GRK4: variants seen among roughly 807,000 people sequenced by gnomAD.
GRK4 encodes the protein G protein-coupled receptor kinase 2-like.
GRK4 carries 73 observed loss-of-function variants against 77.9 expected under a neutral mutation model. The observed-to-expected ratio is 0.94, with a 90% CI of 0.78 to 1.14. The LOEUF (loss-of-function observed/expected upper bound fraction) is 1.14, where lower values mean the gene tolerates loss of function less well. Ranked by LOEUF, GRK4 falls within the 50% of genes most tolerant of loss-of-function variation. GRK4 has a pLI of 0.00. For missense variants in GRK4, 729 were observed against 700.2 expected (o/e 1.04, Z -0.46); for synonymous variants, 257 against 254.4 (o/e 1.01, Z -0.10).
intron 1 of GRK4, among the ~76,000 whole-genome samples, chr4:2,976,858 C>T (rs1414093865): frequency 6.6e-6 from 1 of 152,084 alleles, no homozygotes; most frequent in African/African-American, 2.4e-5. Flanking sequence ...AGGCTGGTCT[C>T]AAACTGCCGA....
At chr4:2,998,459 AC>A (rs1728597626) in intron 4 of GRK4, among the ~76,000 whole-genome samples, 1 of 152,178 alleles carries the variant, frequency 6.6e-6, no homozygotes, top group South Asian at 2.1e-4. Flanking sequence ...AGAAATTCAC[AC>A]ATACACACAT....
rs1410689430 is a variant in GRK4 at position 2,963,841 on chromosome 4, C to T, written c.-230C>T. ...GGGACCCGCCGCGGTCGGGCTGCCC[C>T]CTCCCCTCGCCCCGACCGCTCCCCT... On this transcript the variant is annotated 5_prime_UTR_variant, in exon 1 of 16. Coordinates refer to ENST00000398052, the MANE Select transcript of GRK4 (RefSeq NM_182982.3). 3.5e-6 allele frequency: 2 copies of T among 569,032 alleles called. No homozygotes were observed. The highest frequency in any genetic ancestry group is 2.0e-5 in the African/African-American group (1 of 49,652). 35.2% of individuals were successfully genotyped at this position (569,032 alleles called of 1,614,324 possible).
At chr4:3,028,035 C>T in intron 11 of GRK4, 34 bp downstream of exon 11, 1 of 1,590,642 alleles carries the variant, frequency 6.3e-7, no homozygotes, top group Non-Finnish European at 8.6e-7. Context: ...CTTGTCCTTT[C>T]TATCCGGGTG....
rs139394138 is a variant in GRK4, at chr4:2,981,205, A to G, written c.53-3308A>G. On this transcript the variant is annotated intron_variant, in intron 1 of 15. Transcript: ENST00000398052. ...GGCTCCCCAAGGGGCCACAGCTCTT[A>G]TCTCCTCTCTTCTCTCCTTCTCATC... is the stretch of plus-strand genomic sequence containing the variant. Among the ~76,000 whole-genome samples the G allele has an allele frequency of 8.5e-5, 13 of 152,300 alleles. No individual in the cohort carries two copies. The East Asian group carries it at 2.1e-3, about 25-fold the overall frequency.
intron 13 of GRK4, among the ~76,000 whole-genome samples, chr4:3,036,929 C>T (rs1022185376): frequency 9.2e-5 from 14 of 152,230 alleles, no homozygotes; most frequent in African/African-American, 2.9e-4. Flanking sequence ...GTTCACACTT[C>T]TCCGGTTCTG....
chr4:3,003,058 G>T (rs1730305557), intron 4 of GRK4, among the ~76,000 whole-genome samples: 1 of 152,116 alleles, frequency 6.6e-6, no homozygotes, highest in Non-Finnish European at 1.5e-5. Context: ...CTGAAATTCT[G>T]CGTCCATTCA....
chr4:2,964,864 A>G (rs1326580614), intron 1 of GRK4, among the ~76,000 whole-genome samples: 2 of 152,184 alleles, frequency 1.3e-5, no homozygotes, highest in Non-Finnish European at 2.9e-5. Context: ...AAGGACAGTT[A>G]TAAGATAACG....
At chr4:3,021,344 G>A (rs1352473123) in intron 9 of GRK4, among the ~76,000 whole-genome samples, 1 of 152,196 alleles carries the variant, frequency 6.6e-6, no homozygotes, top group African/African-American at 2.4e-5. Context: ...GAGGGTGTGA[G>A]CATGAGGATG....
intron 4 of GRK4, among the ~76,000 whole-genome samples, chr4:3,000,573 T>C (rs1729228046): frequency 1.7e-5 from 1 of 57,684 alleles, no homozygotes; most frequent in South Asian, 3.1e-4. Context: ...TCTTTTCTTT[T>C]CTTTTTTTTT....
intron 1 of GRK4, among the ~76,000 whole-genome samples, chr4:2,982,347 G>A (rs1384998540): frequency 6.6e-6 from 1 of 152,256 alleles, no homozygotes; most frequent in Non-Finnish European, 1.5e-5. Flanking sequence ...GGCAGTGTCA[G>A]GCTTAGGAAA....
At position 2,988,075 on chromosome 4, in the gene GRK4, C is replaced by CAAAAAAAAAAAAAAA. The variant is rs67664476; in HGVS notation, c.149-642_149-628dup. 3.4e-3 allele frequency among the ~76,000 whole-genome samples: 113 copies of CAAAAAAAAAAAAAAA among 33,662 alleles called. 2 individuals carry two copies. Among genetic ancestry groups the CAAAAAAAAAAAAAAA allele is most frequent in the African/African-American group, 5.8e-3 (50 of 8,688 alleles). 22.1% of individuals were successfully genotyped at this position (33,662 alleles called of 152,430 possible). ...TGGATGACAGAGTGAGGCTCTGTCT[C>CAAAAAAAAAAAAAAA]AAAAAAAAAAAAAAAAAAAAAAAAG... On this transcript the variant is annotated intron_variant, in intron 2 of 15. Transcript: ENST00000398052.
chr4:2,964,708 T>G (rs1259542489), intron 1 of GRK4, among the ~76,000 whole-genome samples: 2 of 152,224 alleles, frequency 1.3e-5, no homozygotes, highest in Non-Finnish European at 2.9e-5. Flanking sequence ...TTTATCATTA[T>G]TAAAGTGAGG....
chr4:3,006,007 G>C (rs1291314856), intron 5 of GRK4, among the ~76,000 whole-genome samples: 1 of 152,042 alleles, frequency 6.6e-6, no homozygotes, highest in Non-Finnish European at 1.5e-5. Flanking sequence ...TATGGCACCG[G>C]ACTAGAACCC....
Position 2,988,923 on chromosome 4 carries a change from T to A in GRK4, c.261+84T>A, listed in dbSNP as rs1192078949. The A allele has an allele frequency of 1.9e-5, 16 of 825,434 alleles. No individual in the cohort carries two copies. In the East Asian group the frequency reaches 4.0e-4, roughly 20 times the overall value. The allele number at this position is 825,434 out of a possible 1,614,324, so 51.1% of individuals were successfully genotyped here. ...AAACTTGGCCAGGCGCAGTAGCTCA[T>A]GCTGTAATCCCAGCATTTTGGAAGG... On this transcript the variant is annotated intron_variant, in intron 3 of 15. Transcript: ENST00000398052.
chr4:3,030,880 G>A (rs1738969317), intron 12 of GRK4, among the ~76,000 whole-genome samples: 1 of 152,210 alleles, frequency 6.6e-6, no homozygotes, highest in Admixed American at 6.5e-5. Context: ...GAAGAGTGAT[G>A]TGATGAGACT....
intron 15 of GRK4, 41 bp downstream of exon 15, chr4:3,038,554 A>G: frequency 6.7e-7 from 1 of 1,498,148 alleles, no homozygotes; most frequent in Non-Finnish European, 9.0e-7. Context: ...GTGTATGTGA[A>G]AAAAAAAAAA....
intron 9 of GRK4, among the ~76,000 whole-genome samples, chr4:3,020,577 T>G (rs376713409): frequency 6.3e-4 from 96 of 152,298 alleles, no homozygotes; most frequent in African/African-American, 2.2e-3. Context: ...TGTATTTAGT[T>G]TTAGGAAAAA....
intron 1 of GRK4, among the ~76,000 whole-genome samples, chr4:2,969,676 CTT>C (rs11367430): frequency 1.7e-4 from 25 of 147,744 alleles, no homozygotes; most frequent in Admixed American, 2.7e-4. Context: ...GGTGCCCAGC[CTT>C]TTTTTTTTTT....
chr4:2,992,926 G>A (rs998322991), intron 4 of GRK4, among the ~76,000 whole-genome samples: 2 of 152,194 alleles, frequency 1.3e-5, no homozygotes, highest in Admixed American at 1.3e-4. Context: ...CAAGGCTGCA[G>A]TGAGCTGGGA....
Sources: gnomAD v4.1 joint callset for allele counts (sites outside exome capture counted in the v4.1 genomes callset) on GRCh38, gnomAD v4.1.1 for gene constraint, MANE v1.5 for transcripts, NCBI Gene and HGNC (gene_info 2026-07-23, HGNC 2026-07-21) for gene names.